The following OSBPL6 variants were observed in gnomAD, a reference collection of about 807,000 sequenced individuals.
OSBPL6 encodes the protein oxysterol binding protein like 6.
A neutral mutation model predicts 125.8 loss-of-function variants in OSBPL6; 49 were observed. The observed-to-expected ratio is 0.39, with a 90% confidence interval of 0.31 to 0.49. The LOEUF (loss-of-function observed/expected upper bound fraction) is 0.49, where lower values mean the gene tolerates loss of function less well. Ranked by LOEUF, OSBPL6 falls within the 20% of genes least tolerant of loss-of-function variation. The pLI, the probability that OSBPL6 is intolerant of heterozygous loss-of-function variation, is 0.88. For synonymous variants in OSBPL6, 394 were observed against 391.8 expected, an observed-to-expected ratio of 1.01 and a Z score of -0.07; for missense variants, 986 against 1,135.4, an observed-to-expected ratio of 0.87 and a Z score of 1.89.
chr2:178,311,815 T>A (rs1014247090), intron 3 of OSBPL6, among the ~76,000 whole-genome samples: 1 of 152,176 alleles, frequency 6.6e-6, no homozygotes, highest in African/African-American at 2.4e-5. Flanking sequence ...AGTCCCTTCC[T>A]CTTGCTCCTG....
At chr2:178,361,864 G>A in intron 13 of OSBPL6, 49 bp downstream of exon 13, 1 of 1,599,508 alleles carries the variant, frequency 6.3e-7, no homozygotes, top group Non-Finnish European at 8.5e-7. Context: ...TCCCAACCCT[G>A]TAAGATGAAA....
chr2:178,193,987 T>C (rs12693155), upstream of OSBPL6, among the ~76,000 whole-genome samples: 74,151 of 152,108 alleles, frequency 0.49, 18,602 homozygotes, highest in East Asian at 0.76. Flanking sequence ...GGGACATGGG[T>C]TTGGCAGCCC....
chr2:178,349,199 A>G, intron 11 of OSBPL6, 25 bp from the exon 12 acceptor site: 1 of 1,611,100 alleles, frequency 6.2e-7, no homozygotes, highest in Non-Finnish European at 8.5e-7. Context: ...GTTGCTGTTT[A>G]ATAATTTGTA....
At chr2:178,377,384 T>C (rs1406147987) in intron 15 of OSBPL6, among the ~76,000 whole-genome samples, 1 of 152,138 alleles carries the variant, frequency 6.6e-6, no homozygotes. Flanking sequence ...GCTAAACCAT[T>C]CCAGAGAAAA....
chr2:178,243,378 T>C (rs1222053573), intron 1 of OSBPL6, among the ~76,000 whole-genome samples: 2 of 152,214 alleles, frequency 1.3e-5, no homozygotes, highest in Admixed American at 6.5e-5. Context: ...CTGAGTTCTT[T>C]GTTCAAAACC....
intron 2 of OSBPL6, among the ~76,000 whole-genome samples, chr2:178,287,778 T>A (rs1465321370): frequency 1.3e-5 from 2 of 152,046 alleles, no homozygotes; most frequent in Non-Finnish European, 2.9e-5. Flanking sequence ...TATGTGTGCA[T>A]GTACACTCAG....
intron 2 of OSBPL6, among the ~76,000 whole-genome samples, chr2:178,295,362 C>A (rs1043400583): frequency 1.3e-5 from 2 of 152,144 alleles, no homozygotes; most frequent in Non-Finnish European, 2.9e-5. Context: ...AGCACTATAG[C>A]CCACAAGCCA....
At chr2:178,311,824 TGA>T (rs1400428971) in intron 3 of OSBPL6, among the ~76,000 whole-genome samples, 1 of 152,166 alleles carries the variant, frequency 6.6e-6, no homozygotes, top group Non-Finnish European at 1.5e-5. Flanking sequence ...CTCTTGCTCC[TGA>T]GAGTGGACGT....
At chr2:178,395,196 C>T (rs990798263) in intron 24 of OSBPL6, among the ~76,000 whole-genome samples, 4 of 152,016 alleles carry the variant, frequency 2.6e-5, no homozygotes, top group Non-Finnish European at 4.4e-5. Flanking sequence ...TACTTTTTAC[C>T]CCTGCCAGGA....
Position 178,287,151 on chromosome 2 carries a change from A to ATTT in OSBPL6, c.-156+2030_-156+2031insTTT, listed in dbSNP as rs1684774954. ...TAAAACAATGGTTCTTCTTTTTTTA[A>ATTT]AAAAAAAAAAAAAAAAAACAAATTA... On this transcript the variant is annotated intron_variant, in intron 2 of 24. Transcript: ENST00000190611. Among the ~76,000 whole-genome samples, 25 of 117,634 alleles carry ATTT rather than the reference A, an allele frequency of 2.1e-4. No homozygotes were observed. In the South Asian group the frequency reaches 3.4e-3, roughly 16 times the overall value. The allele number at this position is 117,634 out of a possible 152,430, so 77.2% of individuals were successfully genotyped here.
At chr2:178,238,343 C>T (rs2091147248) in intron 1 of OSBPL6, among the ~76,000 whole-genome samples, 2 of 152,144 alleles carry the variant, frequency 1.3e-5, no homozygotes, top group South Asian at 4.1e-4. Context: ...ACATTAATCA[C>T]TCAGTAGCCA....
At chr2:178,275,825 G>A (rs1476288924) in intron 1 of OSBPL6, among the ~76,000 whole-genome samples, 1 of 151,886 alleles carries the variant, frequency 6.6e-6, no homozygotes, top group Non-Finnish European at 1.5e-5. Flanking sequence ...GAGCACTTCC[G>A]TATGCCTGGA....
rs112885105 is a variant in OSBPL6 at position 178,215,432 on chromosome 2, G to A, written c.-351+20758G>A. Among the ~76,000 whole-genome samples, 1,144 of 152,262 alleles carry A rather than the reference G, an allele frequency of 7.5e-3. 15 individuals are homozygous for A. Among genetic ancestry groups the A allele is most frequent in the African/African-American group, 0.025 (1,056 of 41,552 alleles). On this transcript the variant is annotated intron_variant, in intron 1 of 24. Coordinates refer to ENST00000190611, the MANE Select transcript of OSBPL6 (RefSeq NM_032523.4). ...CACAGCAGACATTTACTGAGCTCAG[G>A]GCAGGGCAGTGGAGATGAGGCTGAA...
rs564303545 is a variant in OSBPL6, at chr2:178,230,148, G to A, written c.-351+35474G>A. On this transcript the variant is annotated intron_variant, in intron 1 of 24. Transcript: ENST00000190611. ...GACAAGCAGTTTTCCTTTTTTAAAG[G>A]CTGTTACACAACATTGCCCACATCC... 5.3e-5 allele frequency among the ~76,000 whole-genome samples: 8 copies of A among 152,274 alleles called. 1 individual carries two copies. Among genetic ancestry groups the A allele is most frequent in the African/African-American group, 1.9e-4 (8 of 41,560 alleles).
At chr2:178,218,787 G>A (rs2090206409) in intron 1 of OSBPL6, among the ~76,000 whole-genome samples, 2 of 151,796 alleles carry the variant, frequency 1.3e-5, no homozygotes, top group Non-Finnish European at 2.9e-5. Flanking sequence ...GCGTCACCAT[G>A]CCCAGCTGAT....
intron 2 of OSBPL6, among the ~76,000 whole-genome samples, chr2:178,303,343 A>G (rs1000547368): frequency 6.6e-6 from 1 of 152,180 alleles, no homozygotes; most frequent in Non-Finnish European, 1.5e-5. Flanking sequence ...TACAAGTTCT[A>G]TTCACTAGAA....
Position 178,201,629 on chromosome 2 carries a change from G to A in OSBPL6, c.-351+6955G>A, listed in dbSNP as rs141450587. Among the ~76,000 whole-genome samples the A allele has an allele frequency of 5.6e-3, 850 of 152,276 alleles. 14 individuals are homozygous for A. The highest frequency in any genetic ancestry group is 0.019 in the African/African-American group (784 of 41,548). ...TACCCAAATCACAGAAAGTATCTTAGAAGTAATTTTGTAGATGAGGAAACT... is the reference window on the plus strand; with the variant it reads ...TACCCAAATCACAGAAAGTATCTTAAAAGTAATTTTGTAGATGAGGAAACT... On this transcript the variant is annotated intron_variant, in intron 1 of 24. Coordinates refer to ENST00000190611, the MANE Select transcript of OSBPL6 (RefSeq NM_032523.4).
At chr2:178,313,087 G>C (rs1189019689) in intron 3 of OSBPL6, among the ~76,000 whole-genome samples, 3 of 151,830 alleles carry the variant, frequency 2.0e-5, no homozygotes, top group African/African-American at 7.3e-5. Flanking sequence ...GTGGAGACAG[G>C]GTTTCACCAT....
chr2:178,214,991 A>G (rs964209973), intron 1 of OSBPL6, among the ~76,000 whole-genome samples: 1 of 152,044 alleles, frequency 6.6e-6, no homozygotes, highest in Non-Finnish European at 1.5e-5. Context: ...CTGGATTAGT[A>G]TTTGGTTTAA....
Sources: allele counts gnomAD v4.1 joint callset (sites outside exome capture counted in the v4.1 genomes callset), GRCh38; gene constraint gnomAD v4.1.1; transcripts MANE v1.5; gene names NCBI Gene and HGNC (gene_info 2026-07-23, HGNC 2026-07-21).